CLSTN2: variants seen among roughly 807,000 people sequenced by gnomAD.
CLSTN2 encodes the protein calsyntenin-2.
A neutral mutation model predicts 101.2 loss-of-function variants in CLSTN2; 48 were observed. The observed-to-expected ratio is 0.47, with a 90% CI of 0.38 to 0.60. The LOEUF (loss-of-function observed/expected upper bound fraction) is 0.60, where lower values mean the gene tolerates loss of function less well. Ranked by LOEUF, CLSTN2 falls within the 20% of genes least tolerant of loss-of-function variation. The pLI is 0.00. For synonymous variants in CLSTN2, 481 were observed against 463.6 expected, an observed-to-expected ratio of 1.04 and a Z score of -0.48; for missense variants, 1,160 against 1,238.2, an observed-to-expected ratio of 0.94 and a Z score of 0.95.
chr3:140,454,829 A>G (rs1174116214), intron 6 of CLSTN2: 1 of 152,244 alleles, frequency 6.6e-6, no homozygotes, highest in Non-Finnish European at 1.5e-5. Flanking sequence ...CATATGTCAC[A>G]TGCACACATA....
At chr3:140,354,206 C>T (rs1200304828) in intron 2 of CLSTN2, among the ~76,000 whole-genome samples, 2 of 152,150 alleles carry the variant, frequency 1.3e-5, no homozygotes, top group Admixed American at 6.5e-5. Flanking sequence ...CTGACAACAT[C>T]CTGGTTCCAT....
At chr3:140,110,483 C>T (rs2009136180) in intron 1 of CLSTN2, among the ~76,000 whole-genome samples, 1 of 152,190 alleles carries the variant, frequency 6.6e-6, no homozygotes, top group African/African-American at 2.4e-5. Context: ...GGATATAGAA[C>T]TTTGATTCTA....
chr3:140,261,758 T>G (rs1044716315), intron 2 of CLSTN2, among the ~76,000 whole-genome samples: 1 of 152,306 alleles, frequency 6.6e-6, no homozygotes, highest in Middle Eastern at 3.4e-3. Context: ...TGTACTGATG[T>G]CTTCCATTCT....
At chr3:140,423,830 C>T (rs918439335) in intron 5 of CLSTN2, among the ~76,000 whole-genome samples, 7 of 152,116 alleles carry the variant, frequency 4.6e-5, no homozygotes, top group Admixed American at 1.3e-4. Flanking sequence ...CCTTACGTGC[C>T]CACCCTATCT....
At chr3:140,529,291 C>T (rs532433100) in intron 8 of CLSTN2, among the ~76,000 whole-genome samples, 5 of 152,266 alleles carry the variant, frequency 3.3e-5, no homozygotes, top group South Asian at 2.1e-4. Flanking sequence ...AGCTGCCTGC[C>T]GTGGGAGTAC....
chr3:140,156,247 A>G (rs990489599), intron 1 of CLSTN2, among the ~76,000 whole-genome samples: 5 of 152,166 alleles, frequency 3.3e-5, no homozygotes, highest in African/African-American at 1.2e-4. Flanking sequence ...CATGCCTGCC[A>G]TGGGTCTGAA....
At chr3:139,949,860 ACAAG>A (rs1221957166) in intron 1 of CLSTN2, among the ~76,000 whole-genome samples, 4 of 152,210 alleles carry the variant, frequency 2.6e-5, no homozygotes, top group African/African-American at 9.6e-5. Flanking sequence ...CCTAGACTGT[ACAAG>A]TTTTAAGTGG....
intron 2 of CLSTN2, among the ~76,000 whole-genome samples, chr3:140,267,909 C>G (rs2086709453): frequency 6.6e-6 from 1 of 152,156 alleles, no homozygotes; most frequent in Non-Finnish European, 1.5e-5. Context: ...CTAGAAGGCA[C>G]AGCTATTCTT....
intron 2 of CLSTN2, among the ~76,000 whole-genome samples, chr3:140,224,597 C>T (rs2086302820): frequency 6.6e-6 from 1 of 152,096 alleles, no homozygotes; most frequent in Non-Finnish European, 1.5e-5. Flanking sequence ...TGAAGCATCA[C>T]AAAAAGTCAG....
At chr3:140,432,576 C>T (rs528398203) in intron 5 of CLSTN2, among the ~76,000 whole-genome samples, 69 of 152,264 alleles carry the variant, frequency 4.5e-4, no homozygotes, top group Non-Finnish European at 7.2e-4. Flanking sequence ...CCGTGAATAA[C>T]GACCTGTTTT....
At chr3:140,010,251 C>T (rs2007045473) in intron 1 of CLSTN2, among the ~76,000 whole-genome samples, 1 of 152,132 alleles carries the variant, frequency 6.6e-6, no homozygotes, top group Admixed American at 6.5e-5. Context: ...CTGTACCCTG[C>T]CATGAACTAG....
intron 2 of CLSTN2, among the ~76,000 whole-genome samples, chr3:140,267,063 A>G (rs1269140662): frequency 6.6e-6 from 1 of 152,176 alleles, no homozygotes; most frequent in African/African-American, 2.4e-5. Flanking sequence ...TAAAGCTGCA[A>G]GATTTGGAAA....
intron 2 of CLSTN2, among the ~76,000 whole-genome samples, chr3:140,266,185 C>G (rs1451285540): frequency 6.6e-6 from 1 of 152,174 alleles, no homozygotes; most frequent in Admixed American, 6.5e-5. Flanking sequence ...TGTGATTACC[C>G]TGATGGCTGG....
intron 1 of CLSTN2, among the ~76,000 whole-genome samples, chr3:139,937,212 A>G (rs566991274): frequency 6.6e-6 from 1 of 152,340 alleles, no homozygotes; most frequent in Admixed American, 6.5e-5. Flanking sequence ...CAGCAAGTGC[A>G]GAACAGGGAA....
intron 1 of CLSTN2, among the ~76,000 whole-genome samples, chr3:140,168,619 T>C (rs1308182389): frequency 6.6e-6 from 1 of 152,128 alleles, no homozygotes; most frequent in Non-Finnish European, 1.5e-5. Context: ...TTAAAGGTTT[T>C]ATAATTTTGA....
rs528890154 is a variant in CLSTN2 at position 140,515,199 on chromosome 3, C to T, written c.1345-17125C>T. On this transcript the variant is annotated intron_variant, in intron 8 of 16. Transcript: ENST00000458420. ...TAGCCTTGAATGATCTTTTGTATTT[C>T]TGTGGCATTGGTTGTAATACCTTCT... is the stretch of plus-strand genomic sequence containing the variant. 5.9e-5 allele frequency among the ~76,000 whole-genome samples: 9 copies of T among 152,210 alleles called. No individual in the cohort carries two copies. The South Asian group carries it at 1.7e-3, about 28-fold the overall frequency.
intron 8 of CLSTN2, among the ~76,000 whole-genome samples, chr3:140,488,562 G>A (rs1225564222): frequency 6.7e-6 from 1 of 148,676 alleles, no homozygotes; most frequent in African/African-American, 2.5e-5. Context: ...TGCAGAGATA[G>A]ACAGATGACT....
At chr3:140,401,538 C>T (rs918764450) in intron 2 of CLSTN2, among the ~76,000 whole-genome samples, 1 of 152,182 alleles carries the variant, frequency 6.6e-6, no homozygotes, top group African/African-American at 2.4e-5. Context: ...CTCTACTCTC[C>T]TTTTCTGTTG....
At chr3:140,110,862 A>T (rs1395295602) in intron 1 of CLSTN2, among the ~76,000 whole-genome samples, 2 of 152,184 alleles carry the variant, frequency 1.3e-5, no homozygotes, top group African/African-American at 2.4e-5. Flanking sequence ...CATAGCCCCT[A>T]GACCAAGATG....
Sources: gnomAD v4.1 joint callset for allele counts (sites outside exome capture counted in the v4.1 genomes callset) on GRCh38, gnomAD v4.1.1 for gene constraint, MANE v1.5 for transcripts, NCBI Gene and HGNC (gene_info 2026-07-23, HGNC 2026-07-21) for gene names.